The following CADM3 variants were observed in gnomAD, a reference collection of about 807,000 sequenced individuals.
CADM3 encodes the protein TSLC1-like 1.
Under a neutral mutation model 44.9 loss-of-function variants are expected in CADM3, and 11 were observed. The observed-to-expected ratio is 0.25, with a 90% CI of 0.15 to 0.41. The LOEUF (loss-of-function observed/expected upper bound fraction) is 0.41. CADM3 is among the 10% of genes least tolerant of loss of function. The pLI is 1.00. For synonymous variants in CADM3, 207 were observed against 205.2 expected, an observed-to-expected ratio of 1.01 and a Z score of -0.08; for missense variants, 426 against 512.0, an observed-to-expected ratio of 0.83 and a Z score of 1.62.
intron 1 of CADM3, among the ~76,000 whole-genome samples, chr1:159,190,429 C>G (rs1298460542): frequency 2.0e-5 from 3 of 152,222 alleles, no homozygotes; most frequent in Non-Finnish European, 2.9e-5. Context: ...AGTTCTAGTT[C>G]TAACTCAGAT....
intron 1 of CADM3, among the ~76,000 whole-genome samples, chr1:159,188,549 G>T (rs1202144031): frequency 2.6e-5 from 4 of 151,978 alleles, no homozygotes; most frequent in African/African-American, 9.7e-5. Flanking sequence ...GACGACTGGC[G>T]AAGTTCACCC....
At chr1:159,199,966 G>C (rs1386918402) in intron 8 of CADM3, 90 bp downstream of exon 8, 1 of 1,500,436 alleles carries the variant, frequency 6.7e-7, no homozygotes, top group Non-Finnish European at 9.1e-7. Context: ...ACAGTGGAAA[G>C]GGCCTTCAGA....
intron 1 of CADM3, among the ~76,000 whole-genome samples, chr1:159,185,788 T>C (rs1205434045): frequency 6.6e-6 from 1 of 152,224 alleles, no homozygotes; most frequent in African/African-American, 2.4e-5. Context: ...TAGAAGATGC[T>C]TAGTATCTGA....
At position 159,200,813 on chromosome 1, in the gene CADM3, T is replaced by A; in HGVS notation, c.1088T>A (p.Leu363Gln). Reference protein sequence around the residue: ...HYLIRHKGTYLTHEAKGSDDA... With the variant: ...HYLIRHKGTYQTHEAKGSDDA... ...CTCTGTCTCTACACAGGAACCTACC[T>A]GACACATGAGGCAAAAGGCTCCGAC... is the stretch of plus-strand genomic sequence containing the variant. Residue 363 changes from leucine to glutamine, a missense_variant, in exon 9 of 9, where the codon CTG becomes CAG. Leu to Gln is a moderately radical substitution (Grantham distance 113). Transcript: ENST00000368125. 1.2e-6 allele frequency: 2 copies of A among 1,604,956 alleles called. No individual in the cohort carries two copies. The highest frequency in any genetic ancestry group is 1.7e-6 in the Non-Finnish European group (2 of 1,175,438).
At chr1:159,172,323 C>T (rs1050226690) in intron 1 of CADM3, among the ~76,000 whole-genome samples, 2 of 152,060 alleles carry the variant, frequency 1.3e-5, no homozygotes, top group African/African-American at 2.4e-5. Flanking sequence ...GTAGCCAGTG[C>T]AATCCCCCAA....
chr1:159,198,902 A>G (rs1347637474), intron 7 of CADM3, among the ~76,000 whole-genome samples: 1 of 152,160 alleles, frequency 6.6e-6, no homozygotes, highest in Non-Finnish European at 1.5e-5. Context: ...AGTGGCAGAG[A>G]CATCCACTAG....
intron 1 of CADM3, among the ~76,000 whole-genome samples, chr1:159,175,820 T>C (rs1377681823): frequency 6.6e-6 from 1 of 152,242 alleles, no homozygotes; most frequent in Non-Finnish European, 1.5e-5. Flanking sequence ...TCTGCAGCCA[T>C]AAAATTCCAG....
chr1:159,187,453 G>A (rs1649462089), intron 1 of CADM3, among the ~76,000 whole-genome samples: 3 of 152,218 alleles, frequency 2.0e-5, no homozygotes, highest in Admixed American at 6.5e-5. Flanking sequence ...TGCTATTTGT[G>A]TGCCTTTAGG....
chr1:159,187,716 C>T (rs569452467), intron 1 of CADM3, among the ~76,000 whole-genome samples: 1 of 152,176 alleles, frequency 6.6e-6, no homozygotes, highest in Non-Finnish European at 1.5e-5. Flanking sequence ...TGCCGTCCCA[C>T]ACCTTGGCAC....
At chr1:159,191,853 AACTAGATGAGGTGT>A in intron 1 of CADM3, 69 bp from the exon 2 acceptor site, 1 of 1,551,848 alleles carries the variant, frequency 6.4e-7, no homozygotes, top group Non-Finnish European at 8.8e-7. Context: ...GGATGGTCTG[AACTAGATGAGGTGT>A]ACTTTGGCTC....
chr1:159,194,056 G>A lies in CADM3; in HGVS notation c.691+16G>A. 6.2e-7 allele frequency: 1 copy of A among 1,607,454 alleles called. No individual in the cohort carries two copies. Among genetic ancestry groups the A allele is most frequent in the Non-Finnish European group, 8.5e-7 (1 of 1,175,250 alleles). On this transcript the variant is annotated intron_variant, in intron 5 of 8. Coordinates refer to ENST00000368125, the MANE Select transcript of CADM3 (RefSeq NM_001127173.3). ...GAAGTTTTATGTATGTCATGGGCTT[G>A]GGGATGAAGAAGGATGAGGTATGAG...
chr1:159,192,489 C>T, intron 2 of CADM3, 89 bp from the exon 3 acceptor site: 1 of 1,520,566 alleles, frequency 6.6e-7, no homozygotes, highest in Non-Finnish European at 9.1e-7. Flanking sequence ...TACTAGACCC[C>T]TTCCCCCAAA....
chr1:159,196,460 A>C lies in CADM3; in HGVS notation c.782+6A>C, dbSNP rs377679958. On this transcript the variant is annotated splice_donor_region_variant and intron_variant, in intron 6 of 8. Transcript: ENST00000368125. ...GAGGGTCGCGGCAATCCAGTGTAAGAAGATCCATTTCCTGGTCTCCTCCTT... is the reference window on the plus strand; with the variant it reads ...GAGGGTCGCGGCAATCCAGTGTAAGCAGATCCATTTCCTGGTCTCCTCCTT... 6.2e-7 allele frequency: 1 copy of C among 1,612,682 alleles called. No individual in the cohort carries two copies. Among genetic ancestry groups the C allele is most frequent in the African/African-American group, 1.3e-5 (1 of 74,858 alleles).
chr1:159,182,526 TTAAAA>T (rs954708178), intron 1 of CADM3, among the ~76,000 whole-genome samples: 1 of 152,228 alleles, frequency 6.6e-6, no homozygotes, highest in Non-Finnish European at 1.5e-5. Flanking sequence ...TTCCTCATCT[TTAAAA>T]TAAGAGGATT....
At chr1:159,184,971 A>C (rs940946464) in intron 1 of CADM3, among the ~76,000 whole-genome samples, 5 of 152,224 alleles carry the variant, frequency 3.3e-5, no homozygotes, top group Admixed American at 6.5e-5. Context: ...GAAATCCTAA[A>C]GATACTAGAA....
intron 7 of CADM3, chr1:159,197,315 C>T: frequency 4.7e-6 from 2 of 421,774 alleles, no homozygotes; most frequent in Non-Finnish European, 8.6e-6. Flanking sequence ...TGGGTGACAC[C>T]ATCTTCCATC....
intron 1 of CADM3, among the ~76,000 whole-genome samples, chr1:159,188,663 G>C (rs921369040): frequency 6.6e-6 from 1 of 152,118 alleles, no homozygotes; most frequent in Non-Finnish European, 1.5e-5. Flanking sequence ...GCGCTGCGGC[G>C]GGAGACCCTG....
intron 6 of CADM3, chr1:159,196,690 C>A: frequency 3.1e-6 from 2 of 642,196 alleles, no homozygotes; most frequent in Non-Finnish European, 5.3e-6. Context: ...AAGTAAGATA[C>A]AAGTCTGGAG....
At chr1:159,173,700 C>G (rs1648913562) in intron 1 of CADM3, among the ~76,000 whole-genome samples, 1 of 152,150 alleles carries the variant, frequency 6.6e-6, no homozygotes, top group Admixed American at 6.5e-5. Flanking sequence ...TCCTAACCTG[C>G]TGAGTTTTAT....
Sources: gnomAD v4.1 joint callset for allele counts (sites outside exome capture counted in the v4.1 genomes callset) on GRCh38, gnomAD v4.1.1 for gene constraint, MANE v1.5 for transcripts, NCBI Gene and HGNC (gene_info 2026-07-23, HGNC 2026-07-21) for gene names.